WNK1: variants seen among roughly 807,000 people sequenced by gnomAD.
The protein encoded by WNK1 is serine/threonine-protein kinase WNK1.
In WNK1, 38 loss-of-function variants were observed where a neutral mutation model predicts 222.8. The observed-to-expected ratio is 0.17, with a 90% CI of 0.13 to 0.22. The LOEUF (loss-of-function observed/expected upper bound fraction) is 0.22. Ranked by LOEUF, WNK1 falls within the 10% of genes least tolerant of loss-of-function variation. WNK1 has a pLI of 1.00. For missense variants in WNK1, 2,348 were observed against 2,918.4 expected (o/e 0.80, Z 4.50); for synonymous variants, 1,090 against 1,092.9 (o/e 1.00, Z 0.05).
intron 1 of WNK1, among the ~76,000 whole-genome samples, chr12:798,712 T>C (rs1945577233): frequency 6.6e-6 from 1 of 152,136 alleles, no homozygotes; most frequent in African/African-American, 2.4e-5. Context: ...AGTAAGAAAA[T>C]ATGCATGTAT....
intron 1 of WNK1, among the ~76,000 whole-genome samples, chr12:807,971 G>T (rs112743333): frequency 2.0e-5 from 3 of 151,772 alleles, no homozygotes; most frequent in African/African-American, 4.8e-5. Context: ...CGCCCGCCTC[G>T]GCCTCCCAAA....
chr12:788,707 T>C (rs1430887450), intron 1 of WNK1, among the ~76,000 whole-genome samples: 1 of 151,998 alleles, frequency 6.6e-6, no homozygotes, highest in Non-Finnish European at 1.5e-5. Flanking sequence ...GCCAAAATGG[T>C]GAAACCCCGT....
intron 4 of WNK1, among the ~76,000 whole-genome samples, chr12:853,976 G>C (rs558575114): frequency 6.6e-6 from 1 of 152,110 alleles, no homozygotes; most frequent in Non-Finnish European, 1.5e-5. Flanking sequence ...GTCTCAAACA[G>C]CTGGGCTCAA....
At chr12:780,230 AT>A (rs1295075582) in intron 1 of WNK1, among the ~76,000 whole-genome samples, 2 of 152,216 alleles carry the variant, frequency 1.3e-5, no homozygotes, top group Admixed American at 6.5e-5. Context: ...GTGAAGATTT[AT>A]TTATCAGGAG....
intron 2 of WNK1, among the ~76,000 whole-genome samples, chr12:816,060 T>G (rs1947313950): frequency 6.6e-6 from 1 of 152,158 alleles, no homozygotes; most frequent in East Asian, 1.9e-4. Flanking sequence ...ACAGAAAGCC[T>G]TAGAACTAGG....
Position 848,824 on chromosome 12 carries a change from C to A in WNK1, c.1312-8337C>A, listed in dbSNP as rs375402181. Among the ~76,000 whole-genome samples, 12 of 152,186 alleles carry A rather than the reference C, an allele frequency of 7.9e-5. No homozygotes were observed. The East Asian group carries it at 1.3e-3, about 17-fold the overall frequency. On this transcript the variant is annotated intron_variant, in intron 4 of 27. Transcript: ENST00000315939. Reference sequence around the variant, plus strand: ...TACTTTTGTTGTAATATATTGAAAACTCTTATTTTGATTTATAGAAAAGGT... The same window carrying A: ...TACTTTTGTTGTAATATATTGAAAAATCTTATTTTGATTTATAGAAAAGGT...
At chr12:844,834 T>C (rs1456669199) in intron 4 of WNK1, among the ~76,000 whole-genome samples, 1 of 151,416 alleles carries the variant, frequency 6.6e-6, no homozygotes, top group African/African-American at 2.4e-5. Context: ...TATATAATTA[T>C]ATAAGCAATC....
In WNK1 at chr12:896,176, A is replaced by C; in HGVS notation, c.5689A>C (p.Ser1897Arg). 1.2e-6 allele frequency: 2 copies of C among 1,614,214 alleles called. No individual in the cohort carries two copies. Among genetic ancestry groups the C allele is most frequent in the Non-Finnish European group, 1.7e-6 (2 of 1,180,036 alleles). Residue 1897 changes from serine to arginine, a missense_variant, in exon 24 of 28, where the codon AGT becomes CGT. By Grantham distance (110) the Ser-to-Arg change is moderately radical. Around this residue, in one of 13 missense-constraint regions of WNK1, gnomAD observed 1,144 missense variants for 1,273.6 expected, o/e 0.90. Transcript: ENST00000315939. ...CACCTCAGAGTCCTCAGTGCTATCA[A>C]GTAGTAGTCCAGAGAGTACCTTGGT... ...SSTSESSVLSSSSPESTLVKP... is the reference protein window; with the variant it reads ...SSTSESSVLSRSSPESTLVKP...
intron 1 of WNK1, among the ~76,000 whole-genome samples, chr12:802,621 T>G (rs1003864766): frequency 6.7e-6 from 1 of 150,296 alleles, no homozygotes; most frequent in Non-Finnish European, 1.5e-5. Flanking sequence ...AAAGGACAAT[T>G]AAAAAAAAAA....
intron 4 of WNK1, among the ~76,000 whole-genome samples, chr12:849,231 G>A (rs912009979): frequency 3.9e-5 from 6 of 152,160 alleles, no homozygotes; most frequent in Non-Finnish European, 4.4e-5. Context: ...ACCTTTAGAT[G>A]TATTACTTCC....
At position 883,848 on chromosome 12, in the gene WNK1, T is replaced by A. The variant is rs1565578931; in HGVS notation, c.3721+17T>A. On this transcript the variant is annotated intron_variant, in intron 17 of 27. Coordinates refer to ENST00000315939, the MANE Select transcript of WNK1 (RefSeq NM_018979.4). The stretch of plus-strand genomic sequence containing the variant: ...AGCAAATAGGTGAATTTATTTTCTT[T>A]CCTTGTTTTTACCTTTGACTTAAGA... 1.2e-6 allele frequency: 2 copies of A among 1,613,128 alleles called. No individual in the cohort carries two copies. The highest frequency in any genetic ancestry group is 2.2e-5 in the East Asian group (1 of 44,886).
chr12:882,007 C>T lies in WNK1; in HGVS notation c.3306C>T (p.Tyr1102=), dbSNP rs774354835. The stretch of plus-strand genomic sequence containing the variant: ...AAGGAAGAACTACAAAACGGCATTA[C>T]CGAAAATCTGTAAGGAGTCGCTCTC... The part of the protein sequence containing the change: ...RHEGRTTKRH[Y]RKSVRSRSRH... The change falls in exon 14 of 28, where the codon TAC becomes TAT. Residue 1102 remains tyrosine (Y), a synonymous_variant. Coordinates refer to ENST00000315939, the MANE Select transcript of WNK1 (RefSeq NM_018979.4). The T allele has an allele frequency of 1.9e-6, 3 of 1,614,114 alleles. No homozygotes were observed.
At chr12:875,472 CA>C (rs1380099472) in intron 9 of WNK1, among the ~76,000 whole-genome samples, 1 of 152,152 alleles carries the variant, frequency 6.6e-6, no homozygotes, top group African/African-American at 2.4e-5. Flanking sequence ...GAACATCAGA[CA>C]GAATATTTTT....
At position 827,278 on chromosome 12, in the gene WNK1, A is replaced by G; in HGVS notation, c.1153+16A>G. 1.2e-6 allele frequency: 2 copies of G among 1,606,312 alleles called. No individual in the cohort carries two copies. The highest frequency in any genetic ancestry group is 1.7e-6 in the Non-Finnish European group (2 of 1,172,968). Reference sequence around the variant, plus strand: ...AGTGTGATAGGTATGTTTCAGGTGTACCTTGGAGCCTGACTGGCTTTCTCA... The same window carrying G: ...AGTGTGATAGGTATGTTTCAGGTGTGCCTTGGAGCCTGACTGGCTTTCTCA... On this transcript the variant is annotated intron_variant, in intron 3 of 27. Coordinates refer to ENST00000315939, the MANE Select transcript of WNK1 (RefSeq NM_018979.4). The surrounding 1 kb of genome is among the most constrained non-coding windows in gnomAD (Gnocchi z 4.6).
chr12:893,715 C>CA (rs1954483065), intron 22 of WNK1, among the ~76,000 whole-genome samples: 1 of 151,272 alleles, frequency 6.6e-6, no homozygotes, highest in Non-Finnish European at 1.5e-5. Context: ...CCCAGCTACT[C>CA]GAGAGGCTGA....
At chr12:823,121 C>A (rs11064554) in intron 2 of WNK1, among the ~76,000 whole-genome samples, 2 of 152,068 alleles carry the variant, frequency 1.3e-5, no homozygotes, top group South Asian at 2.1e-4. Context: ...GCTTTCTGCC[C>A]TCTATGGTTT....
At chr12:773,953 TA>T (rs2153955137) in intron 1 of WNK1, among the ~76,000 whole-genome samples, 1 of 152,338 alleles carries the variant, frequency 6.6e-6, no homozygotes, top group African/African-American at 2.4e-5. Context: ...AACCATGAAA[TA>T]ATATTTCTGT....
Position 791,375 on chromosome 12 carries a change from C to T in WNK1, c.760-22267C>T, listed in dbSNP as rs530623229. ...TATATGCACAACATTTCAGTGATAA[C>T]AGAGTGGCTGTTATAAATAATGATC... On this transcript the variant is annotated intron_variant, in intron 1 of 27. Transcript: ENST00000315939. Among the ~76,000 whole-genome samples the T allele has an allele frequency of 1.1e-4, 17 of 152,106 alleles. No individual in the cohort carries two copies. The East Asian group carries it at 3.3e-3, about 29-fold the overall frequency.
intron 4 of WNK1, among the ~76,000 whole-genome samples, chr12:832,971 T>G (rs1313437644): frequency 6.6e-6 from 1 of 152,204 alleles, no homozygotes; most frequent in African/African-American, 2.4e-5. Flanking sequence ...TGTCTCTTAT[T>G]ATTCCCCTTT....
Sources: gnomAD v4.1 joint callset for allele counts (sites outside exome capture counted in the v4.1 genomes callset) on GRCh38, gnomAD v4.1.1 for gene constraint, gnomAD v4.1.1 regional missense constraint, Gnocchi (gnomAD v3.1) non-coding constraint, MANE v1.5 for transcripts, NCBI Gene and HGNC (gene_info 2026-07-23, HGNC 2026-07-21) for gene names.